Variants in TXNDC11 observed in about 807,000 individuals in gnomAD.
TXNDC11 encodes thioredoxin domain-containing protein 11.
Under a neutral mutation model 78.0 loss-of-function variants are expected in TXNDC11, and 68 were observed. The observed-to-expected ratio is 0.87, with a 90% CI of 0.72 to 1.07. The LOEUF (loss-of-function observed/expected upper bound fraction) is 1.07, where lower values mean the gene tolerates loss of function less well. Among genes scored for constraint, TXNDC11 ranks in the 50% least tolerant of loss-of-function variants. TXNDC11 has a pLI of 0.00. For synonymous variants in TXNDC11, 571 were observed against 495.2 expected, an observed-to-expected ratio of 1.15 and a Z score of -2.03; for missense variants, 1,389 against 1,221.8, an observed-to-expected ratio of 1.14 and a Z score of -2.04.
chr16:11,688,521 A>T, intron 8 of TXNDC11, 76 bp from the exon 9 acceptor site: 1 of 1,277,280 alleles, frequency 7.8e-7, no homozygotes, highest in Non-Finnish European at 1.1e-6. Context: ...TAAACTCCAC[A>T]TTTTAAAAAC....
At chr16:11,695,719 T>A (rs1253381197) in intron 7 of TXNDC11, among the ~76,000 whole-genome samples, 1 of 152,152 alleles carries the variant, frequency 6.6e-6, no homozygotes, top group Non-Finnish European at 1.5e-5. Flanking sequence ...CAGCCCTGGC[T>A]GCATCTCTTC....
Position 11,679,590 on chromosome 16 carries a change from G to C in TXNDC11, c.2482C>G (p.Leu828Val). The C allele has an allele frequency of 6.2e-7, 1 of 1,614,128 alleles. No homozygotes were observed. Among genetic ancestry groups the C allele is most frequent in the Non-Finnish European group, 8.5e-7 (1 of 1,180,038 alleles). Residue 828 changes from leucine (L) to valine (V), a missense_variant, in exon 12 of 12, where the codon CTC becomes GTC. Leu to Val is a conservative substitution (Grantham distance 32, BLOSUM62 1). Coordinates refer to ENST00000283033, the MANE Select transcript of TXNDC11 (RefSeq NM_015914.7). This position sits in a 1 kb window ranked among gnomAD's most constrained non-coding sequence, Gnocchi z 4.6. Reference protein sequence around the residue: ...QRAQVQVESQLSSARRDEHRL... With the variant: ...QRAQVQVESQVSSARRDEHRL... ...TGCTCATCTCTGCGGGCACTGGAGAGCTGGGACTCCACCTGCACTTGTGCT... is the reference window on the plus strand; with the variant it reads ...TGCTCATCTCTGCGGGCACTGGAGACCTGGGACTCCACCTGCACTTGTGCT...
At chr16:11,725,911 T>C (rs1291881847) in intron 4 of TXNDC11, among the ~76,000 whole-genome samples, 1 of 152,210 alleles carries the variant, frequency 6.6e-6, no homozygotes, top group Non-Finnish European at 1.5e-5. Context: ...AGTCTCACTC[T>C]GTTGCCCAGG....
intron 5 of TXNDC11, among the ~76,000 whole-genome samples, chr16:11,708,598 G>C (rs879913095): frequency 6.6e-6 from 1 of 152,142 alleles, no homozygotes; most frequent in African/African-American, 2.4e-5. Flanking sequence ...GGAACAAAAT[G>C]GAATATCGGG....
intron 5 of TXNDC11, among the ~76,000 whole-genome samples, chr16:11,711,950 C>T (rs889608974): frequency 6.6e-6 from 1 of 152,122 alleles, no homozygotes; most frequent in Admixed American, 6.6e-5. Flanking sequence ...AAAAGGTGGC[C>T]AAGGACAGAC....
chr16:11,681,178 A>G (rs1239784284), intron 11 of TXNDC11, among the ~76,000 whole-genome samples: 1 of 152,194 alleles, frequency 6.6e-6, no homozygotes, highest in Non-Finnish European at 1.5e-5. Flanking sequence ...TCTCAAAAAC[A>G]GAAAACCAAA....
intron 4 of TXNDC11, among the ~76,000 whole-genome samples, chr16:11,724,548 G>A (rs1399350584): frequency 6.6e-6 from 1 of 152,060 alleles, no homozygotes; most frequent in Non-Finnish European, 1.5e-5. Context: ...AGGATCACCT[G>A]ACCTCAGGAG....
intron 6 of TXNDC11, 114 bp downstream of exon 6, chr16:11,700,338 T>C (rs531986025): frequency 2.0e-6 from 1 of 506,796 alleles, no homozygotes; most frequent in East Asian, 3.2e-5. Context: ...TATAAAATCA[T>C]ATGCGCTTTT....
chr16:11,679,795 G>A lies in TXNDC11; in HGVS notation c.2277C>T (p.Thr759=). The change falls in exon 12 of 12, where the codon ACC becomes ACT. Residue 759 remains threonine, a synonymous_variant. Coordinates refer to ENST00000283033, the MANE Select transcript of TXNDC11 (RefSeq NM_015914.7). The surrounding 1 kb of genome is among the most constrained non-coding windows in gnomAD (Gnocchi z 4.6). ...AAATGAACCTCAACAGGTTTGGAAG[G>A]GTGATGGGGACGTCTTCGGGGTATT... ...SVKYPEDVPI[T]LPNLLRFILH... 2 of 1,613,880 alleles carry A rather than the reference G, an allele frequency of 1.2e-6. No individual in the cohort carries two copies. The highest frequency in any genetic ancestry group is 1.7e-6 in the Non-Finnish European group (2 of 1,179,788).
chr16:11,723,540 G>A (rs1017860205), intron 4 of TXNDC11, among the ~76,000 whole-genome samples: 3 of 151,972 alleles, frequency 2.0e-5, no homozygotes, highest in East Asian at 1.9e-4. Context: ...AGCCAAGATC[G>A]TGCCACTGCA....
At position 11,679,661 on chromosome 16, in the gene TXNDC11, T is replaced by TC; in HGVS notation, c.2410dup (p.Glu804GlyfsTer32). On this transcript the variant is annotated frameshift_variant, in exon 12 of 12. Coordinates refer to ENST00000283033, the MANE Select transcript of TXNDC11 (RefSeq NM_015914.7). LOFTEE classifies it low-confidence loss of function (END_TRUNC). This position sits in a 1 kb window ranked among gnomAD's most constrained non-coding sequence, Gnocchi z 4.6. ...TGCTCTCAGTTTCTGGATCTCTCTC[T>TC]CCAAGTGGGAGATGTGCCCCCGCTG... 6.2e-7 allele frequency: 1 copy of TC among 1,614,162 alleles called. No homozygotes were observed. Among genetic ancestry groups the TC allele is most frequent in the Non-Finnish European group, 8.5e-7 (1 of 1,180,028 alleles).
intron 5 of TXNDC11, among the ~76,000 whole-genome samples, chr16:11,713,529 G>A (rs2051430727): frequency 1.3e-5 from 2 of 151,860 alleles, no homozygotes; most frequent in South Asian, 2.1e-4. Context: ...AGATTCTCCT[G>A]TCTCAGCCTC....
intron 8 of TXNDC11, among the ~76,000 whole-genome samples, chr16:11,690,560 CTCTTT>C (rs2050685001): frequency 6.6e-6 from 1 of 152,100 alleles, no homozygotes; most frequent in Admixed American, 6.5e-5. Context: ...CTTCACTGCT[CTCTTT>C]TTTTGGAGAC....
chr16:11,683,594 C>T (rs1363221830), intron 11 of TXNDC11, among the ~76,000 whole-genome samples: 1 of 152,156 alleles, frequency 6.6e-6, no homozygotes, highest in African/African-American at 2.4e-5. Flanking sequence ...TCAGTCTCTG[C>T]GTCCTCCATA....
chr16:11,711,556 G>A (rs1223884178), intron 5 of TXNDC11, among the ~76,000 whole-genome samples: 1 of 152,092 alleles, frequency 6.6e-6, no homozygotes, highest in African/African-American at 2.4e-5. Context: ...ATTACACTCT[G>A]CTATTTTGCC....
At chr16:11,734,571 T>C (rs1013421907) in intron 2 of TXNDC11, among the ~76,000 whole-genome samples, 1 of 152,188 alleles carries the variant, frequency 6.6e-6, no homozygotes, top group East Asian at 1.9e-4. Context: ...AGAATTGGCA[T>C]GGGGCCTGGC....
chr16:11,697,337 T>A (rs932324820), intron 7 of TXNDC11, among the ~76,000 whole-genome samples: 1 of 152,198 alleles, frequency 6.6e-6, no homozygotes. Context: ...AGTGGTACAC[T>A]GGCTGTCTGA....
At chr16:11,740,228 C>CG (rs1193674687) in intron 1 of TXNDC11, among the ~76,000 whole-genome samples, 1 of 151,906 alleles carries the variant, frequency 6.6e-6, no homozygotes, top group Non-Finnish European at 1.5e-5. Flanking sequence ...AGAGGAAAAG[C>CG]GGGGGTAGAA....
intron 6 of TXNDC11, 127 bp downstream of exon 6, chr16:11,700,325 A>G (rs1457493670): frequency 2.1e-6 from 1 of 476,976 alleles, no homozygotes. Flanking sequence ...CTCTCCATCC[A>G]TATATAAAAT....
Sources: allele counts gnomAD v4.1 joint callset (sites outside exome capture counted in the v4.1 genomes callset), GRCh38; gene constraint gnomAD v4.1.1; non-coding constraint Gnocchi (gnomAD v3.1); transcripts MANE v1.5; gene names NCBI Gene and HGNC (gene_info 2026-07-23, HGNC 2026-07-21).